MCF2L2: variants seen among roughly 807,000 people sequenced by gnomAD.
The protein encoded by MCF2L2 is MCF.2 cell line derived transforming sequence-like 2, also known as probable guanine nucleotide exchange factor MCF2L2.
A neutral mutation model predicts 150.2 loss-of-function variants in MCF2L2; 102 were observed. The ratio of observed to expected loss-of-function variants is 0.68; its 90% CI spans 0.58 to 0.80. The LOEUF (loss-of-function observed/expected upper bound fraction) is 0.80. Ranked by LOEUF, MCF2L2 falls within the 30% of genes least tolerant of loss-of-function variation. The pLI, the probability that MCF2L2 is intolerant of heterozygous loss-of-function variation, is 0.00. For missense variants in MCF2L2, 1,256 were observed against 1,372.8 expected (o/e 0.91, Z 1.34); for synonymous variants, 465 against 491.3 (o/e 0.95, Z 0.71).
intron 1 of MCF2L2, among the ~76,000 whole-genome samples, chr3:183,404,171 C>A (rs749177884): frequency 2.0e-5 from 3 of 152,054 alleles, no homozygotes; most frequent in Admixed American, 6.5e-5. Context: ...TGGTCCCAAG[C>A]CAAATATTAA....
At chr3:183,233,928 A>G (rs1393631103) in intron 15 of MCF2L2, among the ~76,000 whole-genome samples, 1 of 152,196 alleles carries the variant, frequency 6.6e-6, no homozygotes, top group Admixed American at 6.5e-5. Context: ...GTGTCTATTT[A>G]TAAATACTTG....
chr3:183,197,135 A>G lies in MCF2L2; in HGVS notation c.2885-1880T>C, dbSNP rs1418724859. On this transcript the variant is annotated intron_variant, in intron 25 of 29. Transcript: ENST00000328913. This position sits in a 1 kb window ranked among gnomAD's most constrained non-coding sequence, Gnocchi z 4.5. ...GAAGTTGGCAAGCAGATTCTAAAATATATATAGAAGTATAAAGGACACAGA... is the reference window on the plus strand; with the variant it reads ...GAAGTTGGCAAGCAGATTCTAAAATGTATATAGAAGTATAAAGGACACAGA... Among the ~76,000 whole-genome samples, 1 of 152,234 alleles carries G rather than the reference A, an allele frequency of 6.6e-6. No homozygotes were observed. The highest frequency in any genetic ancestry group is 1.5e-5 in the Non-Finnish European group (1 of 68,038).
rs1270146035 is a variant in MCF2L2, at chr3:183,428,163, G to T, written c.-186C>A. 1 of 586,956 alleles carries T rather than the reference G, an allele frequency of 1.7e-6. No individual in the cohort carries two copies. The highest frequency in any genetic ancestry group is 3.0e-6 in the Non-Finnish European group (1 of 331,674). The allele number at this position is 586,956 out of a possible 1,614,324, so 36.4% of individuals were successfully genotyped here. A position where few individuals can be genotyped will look rare whatever the true frequency, so the allele number is the denominator to read the frequency against. On this transcript the variant is annotated 5_prime_UTR_variant, in exon 1 of 30. Transcript: ENST00000328913. The surrounding 1 kb of genome is among the most constrained non-coding windows in gnomAD (Gnocchi z 5.1). The stretch of plus-strand genomic sequence containing the variant: ...CTCTCCCTCGCCACGCCCCGCGGGG[G>T]CTCCCGTGACAGACCAAGTCTGGCG...
At chr3:183,391,363 G>A (rs1408942870) in intron 1 of MCF2L2, among the ~76,000 whole-genome samples, 2 of 151,870 alleles carry the variant, frequency 1.3e-5, no homozygotes, top group African/African-American at 4.8e-5. Flanking sequence ...TGGGTAAAGG[G>A]GATAAATCTA....
chr3:183,281,397 T>C (rs915166183), intron 14 of MCF2L2, among the ~76,000 whole-genome samples: 3 of 140,948 alleles, frequency 2.1e-5, no homozygotes, highest in African/African-American at 8.1e-5. Flanking sequence ...ACTCACTGGG[T>C]TTTGATATGG....
intron 5 of MCF2L2, among the ~76,000 whole-genome samples, chr3:183,328,427 C>T (rs978654030): frequency 6.6e-6 from 1 of 151,734 alleles, no homozygotes; most frequent in Non-Finnish European, 1.5e-5. Context: ...GGACTGAGCC[C>T]TCAACTTGTG....
intron 12 of MCF2L2, among the ~76,000 whole-genome samples, 188 bp from the exon 13 acceptor site, chr3:183,295,665 T>C (rs181944732): frequency 1.3e-5 from 2 of 152,198 alleles, no homozygotes; most frequent in Admixed American, 1.3e-4. Context: ...ATCTAAGGAT[T>C]AGCCTCTCCT....
At chr3:183,209,392 A>G (rs1341102320) in intron 22 of MCF2L2, among the ~76,000 whole-genome samples, 2 of 152,232 alleles carry the variant, frequency 1.3e-5, no homozygotes, top group East Asian at 3.8e-4. Context: ...TCTGAGAACC[A>G]GTATGACACT....
At chr3:183,386,430 T>C (rs1239702065) in intron 2 of MCF2L2, among the ~76,000 whole-genome samples, 5 of 152,110 alleles carry the variant, frequency 3.3e-5, no homozygotes, top group Non-Finnish European at 5.9e-5. Context: ...CCGCAAACCA[T>C]CGGGCCACAA....
intron 3 of MCF2L2, among the ~76,000 whole-genome samples, chr3:183,351,232 A>G (rs868119811): frequency 1.2e-5 from 1 of 82,842 alleles, no homozygotes; most frequent in Non-Finnish European, 2.1e-5. Context: ...ATATATATAT[A>G]TATATTTATT....
chr3:183,339,583 G>A (rs2108539610), intron 4 of MCF2L2, among the ~76,000 whole-genome samples: 1 of 152,256 alleles, frequency 6.6e-6, no homozygotes, highest in Admixed American at 6.5e-5. Context: ...CGTATTTTAA[G>A]TATTCTTGAT....
At position 183,379,306 on chromosome 3, in the gene MCF2L2, C is replaced by G; in HGVS notation, c.266G>C (p.Ser89Thr). The change falls in exon 3 of 30, where the codon AGC becomes ACC. Residue 89 changes from serine to threonine, a missense_variant. By Grantham distance (58) the Ser-to-Thr change is moderately conservative. Coordinates refer to ENST00000328913, the MANE Select transcript of MCF2L2 (RefSeq NM_015078.4). ...ACTGTGCTCAGCTCACCTGGGGATG[C>G]TAGTCAGGTAGGTCATGACATTCAG... The part of the protein sequence containing the change: ...DFLNVMTYLT[S>T]IPSVEAASIG... The G allele has an allele frequency of 6.2e-7, 1 of 1,606,706 alleles. No individual in the cohort carries two copies. The highest frequency in any genetic ancestry group is 8.5e-7 in the Non-Finnish European group (1 of 1,176,764).
intron 15 of MCF2L2, chr3:183,254,723 C>T (rs1264965925): frequency 6.6e-6 from 1 of 152,254 alleles, no homozygotes; most frequent in Non-Finnish European, 1.5e-5. Flanking sequence ...AAGCCCGTGT[C>T]GGGCTGGAAA....
chr3:183,387,627 T>A (rs918305744), intron 2 of MCF2L2, among the ~76,000 whole-genome samples: 2 of 152,194 alleles, frequency 1.3e-5, no homozygotes, highest in Non-Finnish European at 2.9e-5. Flanking sequence ...TCATACATTA[T>A]GTCATTTAAT....
intron 27 of MCF2L2, among the ~76,000 whole-genome samples, chr3:183,187,030 A>G (rs1721718172): frequency 6.6e-6 from 1 of 152,246 alleles, no homozygotes. Context: ...GTTAAAACCA[A>G]TTGGTCAGAT....
intron 15 of MCF2L2, among the ~76,000 whole-genome samples, chr3:183,275,723 C>T (rs1249685187): frequency 6.6e-6 from 1 of 152,204 alleles, no homozygotes; most frequent in Non-Finnish European, 1.5e-5. Flanking sequence ...AAGCAATCTT[C>T]TCACCTCAGT....
intron 10 of MCF2L2, among the ~76,000 whole-genome samples, chr3:183,309,083 C>T (rs980408264): frequency 2.0e-5 from 3 of 152,160 alleles, no homozygotes; most frequent in South Asian, 2.1e-4. Flanking sequence ...GACTTGTGTG[C>T]GGATCTGGGA....
At chr3:183,394,990 C>T (rs933396325) in intron 1 of MCF2L2, among the ~76,000 whole-genome samples, 1 of 152,104 alleles carries the variant, frequency 6.6e-6, no homozygotes, top group African/African-American at 2.4e-5. Context: ...TCATTTAATC[C>T]TTAAATCTAC....
intron 15 of MCF2L2, among the ~76,000 whole-genome samples, chr3:183,251,002 C>G (rs1339301636): frequency 6.6e-6 from 1 of 152,240 alleles, no homozygotes; most frequent in Non-Finnish European, 1.5e-5. Context: ...CCCTTGCAGG[C>G]AGGTATTACT....
Sources: gnomAD v4.1 joint callset for allele counts (sites outside exome capture counted in the v4.1 genomes callset) on GRCh38, gnomAD v4.1.1 for gene constraint, Gnocchi (gnomAD v3.1) non-coding constraint, MANE v1.5 for transcripts, NCBI Gene and HGNC (gene_info 2026-07-23, HGNC 2026-07-21) for gene names.